Variants in MAN2A1 observed in about 807,000 individuals in gnomAD.
MAN2A1 encodes mannosidase alpha class 2A member 1.
A neutral mutation model predicts 142.6 loss-of-function variants in MAN2A1; 76 were observed. That is an observed-to-expected ratio of 0.53 (90% CI 0.44 to 0.65). MAN2A1 has a LOEUF of 0.65. Among genes scored for constraint, MAN2A1 ranks in the 30% least tolerant of loss-of-function variants. The pLI, the probability that MAN2A1 is intolerant of heterozygous loss-of-function variation, is 0.00. For synonymous variants in MAN2A1, 559 were observed against 473.2 expected (o/e 1.18, Z -2.35); for missense variants, 1,311 against 1,365.1 (o/e 0.96, Z 0.62).
chr5:109,865,455 C>A (rs79424862), intron 21 of MAN2A1: 16 of 338,910 alleles, frequency 4.7e-5, no homozygotes, highest in South Asian at 4.6e-4. Context: ...TTTCTCCTCC[C>A]CTGAACCACA....
chr5:109,767,452 G>T, intron 5 of MAN2A1, 83 bp from the exon 6 acceptor site: 1 of 1,124,016 alleles, frequency 8.9e-7, no homozygotes, highest in South Asian at 1.5e-5. Context: ...ACTATACAAT[G>T]ACAATGAGTC....
rs10686903 is a variant in MAN2A1, at chr5:109,737,092, C to CTTTTTT, written c.707+7593_707+7598dup. Among the ~76,000 whole-genome samples the CTTTTTT allele has an allele frequency of 7.4e-4, 83 of 112,144 alleles. 4 individuals carry two copies. Among genetic ancestry groups the CTTTTTT allele is most frequent in the East Asian group, 1.1e-3 (4 of 3,756 alleles). 73.6% of individuals were successfully genotyped at this position (112,144 alleles called of 152,430 possible). On this transcript the variant is annotated intron_variant, in intron 4 of 21. Coordinates refer to ENST00000261483, the MANE Select transcript of MAN2A1 (RefSeq NM_002372.4). ...GGCCATAGAATATGGACTGTATACTCTTTTTTTTTTTTTTTTTTTGAGACT... is the reference window on the plus strand; with the variant it reads ...GGCCATAGAATATGGACTGTATACTCTTTTTTTTTTTTTTTTTTTTTTTTTGAGACT...
At chr5:109,762,245 A>G (rs1253369099) in intron 5 of MAN2A1, among the ~76,000 whole-genome samples, 4 of 152,044 alleles carry the variant, frequency 2.6e-5, no homozygotes, top group Admixed American at 1.3e-4. Context: ...TCTGTAGGGC[A>G]TTTTTATTTG....
chr5:109,784,727 G>T lies in MAN2A1; in HGVS notation c.1578-17G>T. On this transcript the variant is annotated splice_polypyrimidine_tract_variant and intron_variant, in intron 9 of 21. Coordinates refer to ENST00000261483, the MANE Select transcript of MAN2A1 (RefSeq NM_002372.4). ...AGTGTTTGTTTTAAAATAAAAATAT[G>T]ACTTTTATGCAATTAGGGCTGCTGA... 1 of 1,526,408 alleles carries T rather than the reference G, an allele frequency of 6.6e-7. No homozygotes were observed. Among genetic ancestry groups the T allele is most frequent in the South Asian group, 1.3e-5 (1 of 76,908 alleles). 94.6% of individuals were successfully genotyped at this position (1,526,408 alleles called of 1,614,324 possible). A position where few individuals can be genotyped will look rare whatever the true frequency, so the allele number is the denominator to read the frequency against.
intron 1 of MAN2A1, among the ~76,000 whole-genome samples, chr5:109,709,286 T>G (rs1751229842): frequency 6.6e-6 from 1 of 152,256 alleles, no homozygotes; most frequent in South Asian, 2.1e-4. Flanking sequence ...TCGTATAGTT[T>G]GATCTAATAG....
intron 5 of MAN2A1, among the ~76,000 whole-genome samples, chr5:109,766,100 C>G (rs1752981160): frequency 1.3e-5 from 2 of 152,086 alleles, no homozygotes; most frequent in Admixed American, 1.3e-4. Context: ...AATATACATA[C>G]AGATACCTGT....
At chr5:109,742,320 A>G (rs1752291140) in intron 4 of MAN2A1, among the ~76,000 whole-genome samples, 2 of 152,220 alleles carry the variant, frequency 1.3e-5, no homozygotes, top group Non-Finnish European at 2.9e-5. Flanking sequence ...AAGGGGCTCC[A>G]AATGTGTGCT....
chr5:109,799,408 T>G (rs1303834810), intron 12 of MAN2A1, among the ~76,000 whole-genome samples: 1 of 152,070 alleles, frequency 6.6e-6, no homozygotes, highest in Admixed American at 6.5e-5. Context: ...TCTTGGACAC[T>G]CCATTTTTTG....
At chr5:109,800,539 G>GT (rs1259557443) in intron 12 of MAN2A1, among the ~76,000 whole-genome samples, 2 of 151,984 alleles carry the variant, frequency 1.3e-5, no homozygotes, top group African/African-American at 2.4e-5. Flanking sequence ...TTTCAGCTTT[G>GT]TTTATCATGT....
At chr5:109,815,633 T>A (rs752236724) in intron 12 of MAN2A1, among the ~76,000 whole-genome samples, 1 of 152,242 alleles carries the variant, frequency 6.6e-6, no homozygotes, top group Non-Finnish European at 1.5e-5. Context: ...GATTTTGTGT[T>A]ATATCCTCTT....
chr5:109,772,946 G>A (rs2112654763), intron 7 of MAN2A1, among the ~76,000 whole-genome samples: 1 of 152,156 alleles, frequency 6.6e-6, no homozygotes, highest in Non-Finnish European at 1.5e-5. Context: ...GTTCATTTTT[G>A]GTCAAGTACT....
At chr5:109,792,723 A>G (rs900410792) in intron 12 of MAN2A1, among the ~76,000 whole-genome samples, 1 of 152,172 alleles carries the variant, frequency 6.6e-6, no homozygotes, top group Admixed American at 6.6e-5. Flanking sequence ...GAGTTCCCCA[A>G]AGATTTGACT....
intron 4 of MAN2A1, among the ~76,000 whole-genome samples, chr5:109,748,104 G>C (rs1259719017): frequency 6.6e-6 from 1 of 151,962 alleles, no homozygotes; most frequent in Non-Finnish European, 1.5e-5. Context: ...TTTGTCTTTA[G>C]TATATATAAT....
intron 17 of MAN2A1, among the ~76,000 whole-genome samples, 178 bp from the exon 18 acceptor site, chr5:109,845,687 C>G (rs1313654745): frequency 1.3e-5 from 2 of 152,002 alleles, no homozygotes; most frequent in Admixed American, 1.3e-4. Flanking sequence ...TTCTAATATC[C>G]TTGTGGTTTT....
chr5:109,830,177 T>A (rs1263750835), intron 16 of MAN2A1, among the ~76,000 whole-genome samples: 4 of 152,216 alleles, frequency 2.6e-5, no homozygotes, highest in African/African-American at 9.7e-5. Flanking sequence ...TGCATAGTTT[T>A]TTCATGATAT....
chr5:109,804,885 G>A (rs1754125084), intron 12 of MAN2A1, among the ~76,000 whole-genome samples: 1 of 151,966 alleles, frequency 6.6e-6, no homozygotes, highest in South Asian at 2.1e-4. Flanking sequence ...ACTTTTTAAG[G>A]TCCTTTTTAT....
In MAN2A1 at chr5:109,690,556, A is replaced by T; in HGVS notation, c.135+4A>T. ...CCGCGAGGGCTCCTTCCCTCAGGTA[A>T]GCACCTGGGAAGGGGGCGCGGGGCT... is the stretch of plus-strand genomic sequence containing the variant. On this transcript the variant is annotated splice_donor_region_variant and intron_variant, in intron 1 of 21. Coordinates refer to ENST00000261483, the MANE Select transcript of MAN2A1 (RefSeq NM_002372.4). 6.3e-7 allele frequency: 1 copy of T among 1,594,384 alleles called. No homozygotes were observed.
intron 3 of MAN2A1, among the ~76,000 whole-genome samples, chr5:109,720,982 G>A (rs1361155667): frequency 1.3e-5 from 2 of 152,186 alleles, no homozygotes; most frequent in Non-Finnish European, 2.9e-5. Context: ...TTAGTTTCTG[G>A]AGCTAAAATC....
At chr5:109,833,783 C>T (rs74591081) in intron 16 of MAN2A1, among the ~76,000 whole-genome samples, 1 of 152,080 alleles carries the variant, frequency 6.6e-6, no homozygotes, top group Non-Finnish European at 1.5e-5. Context: ...ATGCCATAAG[C>T]CACAGACTGA....
Sources: allele counts gnomAD v4.1 joint callset (sites outside exome capture counted in the v4.1 genomes callset), GRCh38; gene constraint gnomAD v4.1.1; transcripts MANE v1.5; gene names NCBI Gene and HGNC (gene_info 2026-07-23, HGNC 2026-07-21).